The following ASTN2 variants were observed in gnomAD, a reference collection of about 807,000 sequenced individuals.
The protein encoded by ASTN2 is astrotactin-2.
A neutral mutation model predicts 139.8 loss-of-function variants in ASTN2; 54 were observed. The observed-to-expected ratio is 0.39, with a 90% CI of 0.31 to 0.48. The LOEUF is 0.48. Among genes scored for constraint, ASTN2 ranks in the 20% least tolerant of loss-of-function variants. ASTN2 has a pLI of 0.95. For missense variants in ASTN2, 1,565 were observed against 1,725.1 expected (o/e 0.91, Z 1.64); for synonymous variants, 756 against 719.5 (o/e 1.05, Z -0.81).
intron 10 of ASTN2, among the ~76,000 whole-genome samples, chr9:116,891,771 A>G (rs1424718089): frequency 1.3e-5 from 2 of 152,244 alleles, no homozygotes; most frequent in Admixed American, 6.5e-5. Context: ...TTCCATGATA[A>G]AAATTACATA....
chr9:116,768,542 C>A (rs993591303), intron 13 of ASTN2, among the ~76,000 whole-genome samples: 1 of 152,164 alleles, frequency 6.6e-6, no homozygotes, highest in Non-Finnish European at 1.5e-5. Flanking sequence ...TAGACAATTG[C>A]TATGGTCTGA....
rs141147190 is a variant in ASTN2 at position 116,479,798 on chromosome 9, T to C, written c.3497+7561A>G. Among the ~76,000 whole-genome samples, 1,095 of 152,252 alleles carry C rather than the reference T, an allele frequency of 7.2e-3. 11 individuals carry two copies. The highest frequency in any genetic ancestry group is 0.024 in the African/African-American group (1,000 of 41,552). On this transcript the variant is annotated intron_variant, in intron 20 of 22. Coordinates refer to ENST00000313400, the MANE Select transcript of ASTN2 (RefSeq NM_001365068.1). ...TAACCCATTTGGGCATGGATCTTTGTATAAAAGATCCCTGCCCACAGCTTC... is the reference window on the plus strand; with the variant it reads ...TAACCCATTTGGGCATGGATCTTTGCATAAAAGATCCCTGCCCACAGCTTC...
At chr9:117,063,479 C>G (rs763946176) in intron 5 of ASTN2, among the ~76,000 whole-genome samples, 1 of 152,208 alleles carries the variant, frequency 6.6e-6, no homozygotes, top group African/African-American at 2.4e-5. Context: ...CTCATTCTCT[C>G]TCTTGCCTGC....
At chr9:117,308,635 G>C (rs1017741494) in intron 1 of ASTN2, among the ~76,000 whole-genome samples, 3 of 152,108 alleles carry the variant, frequency 2.0e-5, no homozygotes, top group Admixed American at 6.5e-5. Context: ...AAGGAACAGG[G>C]ACCTGGATAA....
Position 117,299,244 on chromosome 9 carries a change from T to A in ASTN2, c.443-7731A>T, listed in dbSNP as rs1284306793. Among the ~76,000 whole-genome samples the A allele has an allele frequency of 2.6e-5, 4 of 152,346 alleles. No individual in the cohort carries two copies. In the East Asian group the frequency reaches 7.7e-4, roughly 29 times the overall value. On this transcript the variant is annotated intron_variant, in intron 1 of 22. Coordinates refer to ENST00000313400, the MANE Select transcript of ASTN2 (RefSeq NM_001365068.1). Reference sequence around the variant, plus strand: ...CATTCACTTTTCTCTACGTTTTTTATACTGACTATATTTTACCTCTGTAGC... The same window carrying A: ...CATTCACTTTTCTCTACGTTTTTTAAACTGACTATATTTTACCTCTGTAGC...
At chr9:116,802,850 G>C (rs1001844677) in intron 13 of ASTN2, among the ~76,000 whole-genome samples, 3 of 152,206 alleles carry the variant, frequency 2.0e-5, no homozygotes, top group Non-Finnish European at 2.9e-5. Flanking sequence ...ATATGTCTGG[G>C]CCTTTGCAGG....
At chr9:117,040,889 C>T (rs964979357) in intron 5 of ASTN2, among the ~76,000 whole-genome samples, 1 of 152,146 alleles carries the variant, frequency 6.6e-6, no homozygotes, top group Non-Finnish European at 1.5e-5. Flanking sequence ...AAATGAATTT[C>T]ACAAGCGTTT....
chr9:117,001,665 T>G (rs1437978151), intron 7 of ASTN2, among the ~76,000 whole-genome samples: 1 of 152,110 alleles, frequency 6.6e-6, no homozygotes, highest in Non-Finnish European at 1.5e-5. Flanking sequence ...TAAAGCACCC[T>G]CCATACTCAT....
At chr9:116,656,522 AT>A (rs1479985739) in intron 16 of ASTN2, among the ~76,000 whole-genome samples, 1 of 152,116 alleles carries the variant, frequency 6.6e-6, no homozygotes, top group Non-Finnish European at 1.5e-5. Context: ...CTCTGTTCAC[AT>A]TTCCCATCCC....
chr9:117,178,507 GC>G (rs1237002516), intron 3 of ASTN2, among the ~76,000 whole-genome samples: 9 of 152,120 alleles, frequency 5.9e-5, no homozygotes, highest in Non-Finnish European at 1.0e-4. Flanking sequence ...AACAGGAGAG[GC>G]CAGCATAGAC....
At position 116,511,623 on chromosome 9, in the gene ASTN2, C is replaced by T. The variant is rs574554290; in HGVS notation, c.3356-24123G>A. Among the ~76,000 whole-genome samples the T allele has an allele frequency of 1.6e-4, 25 of 152,206 alleles. No homozygotes were observed. The East Asian group carries it at 3.5e-3, about 21-fold the overall frequency. ...CTCTGGTAGAATTTGGCTGTGAATC[C>T]GTCAGGTACTGGACTTTTTTTGGTT... On this transcript the variant is annotated intron_variant, in intron 19 of 22. Coordinates refer to ENST00000313400, the MANE Select transcript of ASTN2 (RefSeq NM_001365068.1).
rs553207660 is a variant in ASTN2, at chr9:116,702,948, T to A, written c.2806+22823A>T. Among the ~76,000 whole-genome samples the A allele has an allele frequency of 6.8e-4, 103 of 152,358 alleles. 1 individual carries two copies. Among genetic ancestry groups the A allele is most frequent in the African/African-American group, 2.4e-3 (101 of 41,590 alleles). On this transcript the variant is annotated intron_variant, in intron 16 of 22. Coordinates refer to ENST00000313400, the MANE Select transcript of ASTN2 (RefSeq NM_001365068.1). ...GTGTTCCTCTGGGTAAGGCAAGTAA[T>A]GCTTAAGTAGTTGTACTTTTAATCT... is the stretch of plus-strand genomic sequence containing the variant.
At chr9:117,130,727 T>C (rs1182819611) in intron 4 of ASTN2, among the ~76,000 whole-genome samples, 1 of 152,226 alleles carries the variant, frequency 6.6e-6, no homozygotes, top group East Asian at 1.9e-4. Flanking sequence ...CATGTAGGAA[T>C]GGGAGCTTTT....
chr9:116,752,592 C>G (rs553457999), intron 13 of ASTN2, among the ~76,000 whole-genome samples: 1 of 152,078 alleles, frequency 6.6e-6, no homozygotes, highest in African/African-American at 2.4e-5. Context: ...TGAAAAGACA[C>G]GCTATAGACT....
chr9:116,712,110 C>T (rs1402586287), intron 16 of ASTN2, among the ~76,000 whole-genome samples: 1 of 152,144 alleles, frequency 6.6e-6, no homozygotes, highest in Non-Finnish European at 1.5e-5. Context: ...GTTTATCTTA[C>T]CACCACTTCC....
intron 3 of ASTN2, among the ~76,000 whole-genome samples, chr9:117,200,448 A>G (rs546927333): frequency 3.8e-4 from 58 of 152,284 alleles, no homozygotes; most frequent in Non-Finnish European, 1.6e-4. Context: ...ACTGGTTTTC[A>G]AAGGGAATGC....
At chr9:117,070,021 T>C (rs1828069764) in intron 5 of ASTN2, among the ~76,000 whole-genome samples, 1 of 150,464 alleles carries the variant, frequency 6.6e-6, no homozygotes, top group Non-Finnish European at 1.5e-5. Context: ...TTAAAGTTAA[T>C]ATTGTTATGT....
chr9:117,318,824 T>C (rs984644661), intron 1 of ASTN2, among the ~76,000 whole-genome samples: 54 of 152,182 alleles, frequency 3.5e-4, no homozygotes, highest in Non-Finnish European at 2.9e-5. Flanking sequence ...GCAAAAGGCC[T>C]GGAGCTGCCC....
chr9:117,243,151 A>G (rs1833265617), intron 2 of ASTN2, among the ~76,000 whole-genome samples: 1 of 152,196 alleles, frequency 6.6e-6, no homozygotes, highest in Non-Finnish European at 1.5e-5. Flanking sequence ...GTCATGTGAT[A>G]TGGACAAAGT....
Sources: gnomAD v4.1 joint callset for allele counts (sites outside exome capture counted in the v4.1 genomes callset) on GRCh38, gnomAD v4.1.1 for gene constraint, MANE v1.5 for transcripts, NCBI Gene and HGNC (gene_info 2026-07-23, HGNC 2026-07-21) for gene names.